Variants in GABRG1 observed in about 807,000 individuals in gnomAD.
GABRG1 encodes gamma-aminobutyric acid type A receptor subunit gamma1, also known as gamma-aminobutyric acid receptor subunit gamma-1.
Under a neutral mutation model 49.8 loss-of-function variants are expected in GABRG1, and 49 were observed. That is an observed-to-expected ratio of 0.98 (90% CI 0.78 to 1.25). GABRG1 has a LOEUF of 1.25. Among genes scored for constraint, GABRG1 ranks in the 50% most tolerant of loss-of-function variants. GABRG1 has a pLI of 0.00. For synonymous variants in GABRG1, 232 were observed against 185.1 expected, an observed-to-expected ratio of 1.25 and a Z score of -2.06; for missense variants, 552 against 552.3, an observed-to-expected ratio of 1.00 and a Z score of 0.01.
At chr4:46,120,477 C>G (rs1424085267) in intron 1 of GABRG1, among the ~76,000 whole-genome samples, 1 of 151,648 alleles carries the variant, frequency 6.6e-6, no homozygotes, top group Non-Finnish European at 1.5e-5. Flanking sequence ...ACTCTGTACA[C>G]AGGGGTTTTA....
intron 7 of GABRG1, among the ~76,000 whole-genome samples, chr4:46,052,121 A>G (rs1318707251): frequency 6.6e-6 from 1 of 151,814 alleles, no homozygotes; most frequent in East Asian, 1.9e-4. Context: ...CAATAGCACT[A>G]TCTTAAAACA....
In GABRG1 at chr4:46,039,445, G is replaced by A. The variant is rs149854194; in HGVS notation, c.*1543C>T. 346 of 151,468 alleles carry A rather than the reference G, an allele frequency of 2.3e-3. No individual in the cohort carries two copies. The highest frequency in any genetic ancestry group is 7.5e-3 in the African/African-American group (311 of 41,436). The allele number at this position is 151,468 out of a possible 1,614,324, so 9.4% of individuals were successfully genotyped here. ...ATCATGCCAGACATTCACTAACCAC[G>A]CAGCGGAATTATAACATTAAAAACT... On this transcript the variant is annotated 3_prime_UTR_variant, in exon 9 of 9. Transcript: ENST00000295452.
At chr4:46,105,963 C>A (rs1175228978) in intron 1 of GABRG1, among the ~76,000 whole-genome samples, 1 of 151,428 alleles carries the variant, frequency 6.6e-6, no homozygotes, top group Non-Finnish European at 1.5e-5. Context: ...TTATTTTCTT[C>A]TCCAGGTTCC....
rs942878340 is a variant in GABRG1 at position 46,037,255 on chromosome 4, T to C, written c.*3733A>G. ...GAATGAGGTTACCTCACTTCCGAAA[T>C]GCAAACACAAAAAGTCAGAGCTGAC... On this transcript the variant is annotated 3_prime_UTR_variant, in exon 9 of 9. Coordinates refer to ENST00000295452, the MANE Select transcript of GABRG1 (RefSeq NM_173536.4). The C allele has an allele frequency of 6.6e-6, 1 of 151,888 alleles. No homozygotes were observed. The highest frequency in any genetic ancestry group is 1.5e-5 in the Non-Finnish European group (1 of 67,876). 9.4% of individuals were successfully genotyped at this position (151,888 alleles called of 1,614,324 possible).
At position 46,058,514 on chromosome 4, in the gene GABRG1, T is replaced by C; in HGVS notation, c.734A>G (p.Asn245Ser). 6.2e-7 allele frequency: 1 copy of C among 1,613,274 alleles called. No individual in the cohort carries two copies. Among genetic ancestry groups the C allele is most frequent in the Non-Finnish European group, 8.5e-7 (1 of 1,179,546 alleles). The change falls in exon 6 of 9, where the codon AAC becomes AGC. Residue 245 changes from asparagine (N) to serine (S), a missense_variant. Coordinates refer to ENST00000295452, the MANE Select transcript of GABRG1 (RefSeq NM_173536.4). ...GATCGTGTGAGTGATTTCAGTTGAGTTCCGTAACCCTACAAATGCAAACTG... is the reference window on the plus strand; with the variant it reads ...GATCGTGTGAGTGATTTCAGTTGAGCTCCGTAACCCTACAAATGCAAACTG... ...LYQFAFVGLRNSTEITHTISG... is the reference protein window; with the variant it reads ...LYQFAFVGLRSSTEITHTISG...
chr4:46,107,769 C>A (rs897724615), intron 1 of GABRG1, among the ~76,000 whole-genome samples: 7 of 150,930 alleles, frequency 4.6e-5, no homozygotes, highest in Non-Finnish European at 8.9e-5. Context: ...ACAAACTTTC[C>A]AACTGAACAA....
chr4:46,097,425 T>A lies in GABRG1; in HGVS notation c.105-76A>T, dbSNP rs1720216014. 7 of 1,366,632 alleles carry A rather than the reference T, an allele frequency of 5.1e-6. No homozygotes were observed. The East Asian group carries it at 1.7e-4, about 33-fold the overall frequency. The allele number at this position is 1,366,632 out of a possible 1,614,324, so 84.7% of individuals were successfully genotyped here. A position where few individuals can be genotyped will look rare whatever the true frequency, so the allele number is the denominator to read the frequency against. The stretch of plus-strand genomic sequence containing the variant: ...GTATAAAAGTATAGTTTAAGTATGT[T>A]ACAATTGAGTAAGAAAGTAATAATG... On this transcript the variant is annotated intron_variant, in intron 1 of 8. Coordinates refer to ENST00000295452, the MANE Select transcript of GABRG1 (RefSeq NM_173536.4).
rs375374247 is a variant in GABRG1 at position 46,046,349 on chromosome 4, G to A, written c.1131+5075C>T. ...GGTGGTATCTATACACTCCAGGGAA[G>A]CATCATATGGCCATTGTCACAACTG... On this transcript the variant is annotated intron_variant, in intron 8 of 8. Transcript: ENST00000295452. 1.0e-3 allele frequency among the ~76,000 whole-genome samples: 152 copies of A among 152,158 alleles called. 3 individuals are homozygous for A. In the South Asian group the frequency reaches 0.024, roughly 25 times the overall value.
intron 1 of GABRG1, among the ~76,000 whole-genome samples, chr4:46,107,816 A>T (rs1720601058): frequency 6.6e-6 from 1 of 151,258 alleles, no homozygotes; most frequent in Non-Finnish European, 1.5e-5. Flanking sequence ...AAAATACTTT[A>T]TACATATGAT....
intron 2 of GABRG1, among the ~76,000 whole-genome samples, chr4:46,087,299 T>C (rs1262836966): frequency 6.6e-6 from 1 of 151,692 alleles, no homozygotes; most frequent in Non-Finnish European, 1.5e-5. Flanking sequence ...ATTGAGACAA[T>C]TGGGAAGTGG....
chr4:46,077,986 T>C (rs547378241), intron 3 of GABRG1, among the ~76,000 whole-genome samples: 1 of 151,716 alleles, frequency 6.6e-6, no homozygotes, highest in Non-Finnish European at 1.5e-5. Context: ...TTATTTCTAA[T>C]ATTTAATTTT....
At chr4:46,075,895 G>A (rs1030014354) in intron 3 of GABRG1, among the ~76,000 whole-genome samples, 9 of 152,066 alleles carry the variant, frequency 5.9e-5, no homozygotes, top group Non-Finnish European at 1.0e-4. Flanking sequence ...AAGTGGGAAC[G>A]TAAAACTCTG....
intron 3 of GABRG1, among the ~76,000 whole-genome samples, chr4:46,076,403 A>G (rs1392458771): frequency 1.5e-5 from 2 of 133,904 alleles, no homozygotes; most frequent in South Asian, 2.4e-4. Flanking sequence ...ATATATATAT[A>G]TGCTAAATTA....
intron 1 of GABRG1, among the ~76,000 whole-genome samples, chr4:46,108,196 A>G (rs1720614950): frequency 6.6e-6 from 1 of 151,146 alleles, no homozygotes; most frequent in Admixed American, 6.6e-5. Context: ...AGAAGGGAAC[A>G]TGAATTGATA....
At chr4:46,122,463 A>C (rs1334139942) in intron 1 of GABRG1, among the ~76,000 whole-genome samples, 1 of 152,058 alleles carries the variant, frequency 6.6e-6, no homozygotes, top group East Asian at 1.9e-4. Flanking sequence ...CACAATATAT[A>C]CAAGAAATAA....
At chr4:46,070,459 T>C (rs1719074053) in intron 3 of GABRG1, among the ~76,000 whole-genome samples, 1 of 151,938 alleles carries the variant, frequency 6.6e-6, no homozygotes, top group Admixed American at 6.6e-5. Flanking sequence ...TCTTAAGAAG[T>C]TACAATAAAA....
chr4:46,085,535 C>A (rs1004055671), intron 2 of GABRG1, among the ~76,000 whole-genome samples: 8 of 151,484 alleles, frequency 5.3e-5, no homozygotes, highest in African/African-American at 1.9e-4. Flanking sequence ...ATTCTGTTCA[C>A]CATTTTGTAA....
At chr4:46,052,600 G>A (rs1022177293) in intron 7 of GABRG1, among the ~76,000 whole-genome samples, 4 of 151,668 alleles carry the variant, frequency 2.6e-5, no homozygotes, top group African/African-American at 9.7e-5. Flanking sequence ...ATTAATCTTA[G>A]GTCTCCTAAA....
intron 1 of GABRG1, among the ~76,000 whole-genome samples, chr4:46,099,497 A>G (rs772887067): frequency 4.0e-5 from 6 of 151,712 alleles, no homozygotes; most frequent in Non-Finnish European, 5.9e-5. Context: ...GTTTGTTACC[A>G]CAGCATAACC....
Sources: gnomAD v4.1 joint callset for allele counts (sites outside exome capture counted in the v4.1 genomes callset) on GRCh38, gnomAD v4.1.1 for gene constraint, MANE v1.5 for transcripts, NCBI Gene and HGNC (gene_info 2026-07-23, HGNC 2026-07-21) for gene names.